Variants in KHDRBS3 observed in about 807,000 individuals in gnomAD.
The protein encoded by KHDRBS3 is KH RNA binding domain containing, signal transduction associated 3.
In KHDRBS3, 23 loss-of-function variants were observed where a neutral mutation model predicts 45.6. The ratio of observed to expected loss-of-function variants is 0.50; its 90% CI spans 0.36 to 0.72. KHDRBS3 has a LOEUF of 0.72. KHDRBS3 is among the 30% of genes least tolerant of loss of function. The pLI, the probability that KHDRBS3 is intolerant of heterozygous loss-of-function variation, is 0.00. For synonymous variants in KHDRBS3, 162 were observed against 156.5 expected, an observed-to-expected ratio of 1.04 and a Z score of -0.26; for missense variants, 352 against 424.8, an observed-to-expected ratio of 0.83 and a Z score of 1.51.
intron 1 of KHDRBS3, among the ~76,000 whole-genome samples, chr8:135,513,248 C>T (rs1283239947): frequency 6.6e-6 from 1 of 151,796 alleles, no homozygotes; most frequent in Non-Finnish European, 1.5e-5. Flanking sequence ...TTCTAGGTTG[C>T]TCAAGAGATA....
At chr8:135,636,110 C>T (rs1039139525) in intron 7 of KHDRBS3, among the ~76,000 whole-genome samples, 1 of 152,092 alleles carries the variant, frequency 6.6e-6, no homozygotes, top group Non-Finnish European at 1.5e-5. Flanking sequence ...CTGAGTAAGC[C>T]TAGTTCATTG....
intron 1 of KHDRBS3, among the ~76,000 whole-genome samples, chr8:135,487,511 A>C (rs1174261109): frequency 6.6e-6 from 1 of 152,212 alleles, no homozygotes; most frequent in Non-Finnish European, 1.5e-5. Flanking sequence ...AAAATACATT[A>C]AGAGAATAAG....
intron 1 of KHDRBS3, among the ~76,000 whole-genome samples, chr8:135,473,887 T>C (rs1347865210): frequency 1.3e-5 from 2 of 152,172 alleles, no homozygotes; most frequent in African/African-American, 4.8e-5. Flanking sequence ...TGAGGCCGGG[T>C]CTGATCTTCC....
intron 6 of KHDRBS3, among the ~76,000 whole-genome samples, chr8:135,585,967 G>A (rs988879114): frequency 5.3e-5 from 8 of 152,144 alleles, no homozygotes; most frequent in Non-Finnish European, 1.2e-4. Flanking sequence ...ACTTTCCTAA[G>A]TTACTGTTGT....
chr8:135,609,050 C>T (rs1199172851), intron 7 of KHDRBS3, among the ~76,000 whole-genome samples: 1 of 152,172 alleles, frequency 6.6e-6, no homozygotes, highest in Non-Finnish European at 1.5e-5. Flanking sequence ...CATTACCGCG[C>T]ACCACTGCAG....
At chr8:135,516,568 C>T (rs1447486331) in intron 1 of KHDRBS3, among the ~76,000 whole-genome samples, 1 of 67,452 alleles carries the variant, frequency 1.5e-5, no homozygotes, top group East Asian at 8.5e-4. Context: ...TTGTTTCTTA[C>T]ATTGTGTGTG....
intron 2 of KHDRBS3, among the ~76,000 whole-genome samples, chr8:135,530,309 G>A (rs918217000): frequency 1.1e-4 from 16 of 152,110 alleles, no homozygotes; most frequent in African/African-American, 2.4e-4. Flanking sequence ...TGAAAATTGC[G>A]TGACTATACT....
chr8:135,541,410 T>G (rs1314369854), intron 2 of KHDRBS3: 1 of 152,226 alleles, frequency 6.6e-6, no homozygotes, highest in African/African-American at 2.4e-5. Context: ...AATATTTTAC[T>G]GAAAATGGCA....
intron 1 of KHDRBS3, among the ~76,000 whole-genome samples, chr8:135,506,781 ACT>A (rs1356533412): frequency 6.6e-6 from 1 of 152,162 alleles, no homozygotes; most frequent in Non-Finnish European, 1.5e-5. Flanking sequence ...AGTAATTTGT[ACT>A]GGACCTCTTT....
At chr8:135,612,607 C>A (rs1455341275) in intron 7 of KHDRBS3, among the ~76,000 whole-genome samples, 5 of 151,842 alleles carry the variant, frequency 3.3e-5, no homozygotes, top group African/African-American at 7.3e-5. Flanking sequence ...GTAAATAGTT[C>A]TCTCAATTCA....
chr8:135,574,473 A>G (rs191987879), intron 5 of KHDRBS3, among the ~76,000 whole-genome samples: 127 of 152,336 alleles, frequency 8.3e-4, no homozygotes, highest in African/African-American at 2.8e-3. Flanking sequence ...ATAACCAACA[A>G]TGTCAATGAT....
intron 2 of KHDRBS3, among the ~76,000 whole-genome samples, chr8:135,538,374 G>T (rs1825877483): frequency 6.6e-6 from 1 of 152,126 alleles, no homozygotes; most frequent in African/African-American, 2.4e-5. Context: ...AAAATAATGG[G>T]AATTTTGAGG....
intron 5 of KHDRBS3, among the ~76,000 whole-genome samples, chr8:135,577,782 T>C (rs1254251890): frequency 6.6e-6 from 1 of 152,204 alleles, no homozygotes; most frequent in Non-Finnish European, 1.5e-5. Context: ...CTAGATTGTA[T>C]AATAAGGCTA....
intron 1 of KHDRBS3, among the ~76,000 whole-genome samples, chr8:135,493,329 A>G (rs1040039510): frequency 2.6e-5 from 4 of 151,996 alleles, no homozygotes; most frequent in Non-Finnish European, 5.9e-5. Flanking sequence ...GGACCCCACT[A>G]CAGTGTAGCA....
At chr8:135,529,079 T>C (rs959678173) in intron 2 of KHDRBS3, among the ~76,000 whole-genome samples, 1 of 152,228 alleles carries the variant, frequency 6.6e-6, no homozygotes, top group Non-Finnish European at 1.5e-5. Context: ...ATTCATTAAA[T>C]CTTGGGCCTA....
rs559012521 is a variant in KHDRBS3 at position 135,501,559 on chromosome 8, GAAGT to G, written c.89-19674_89-19671del. On this transcript the variant is annotated intron_variant, in intron 1 of 8. Coordinates refer to ENST00000355849, the MANE Select transcript of KHDRBS3 (RefSeq NM_006558.3). ...GAATTAATTCAACAGATTTGAGCTG[GAAGT>G]AAGATTAGAGGAAAAGAAACATAAA... 1.0e-3 allele frequency among the ~76,000 whole-genome samples: 157 copies of G among 152,252 alleles called. 2 individuals carry two copies. Among genetic ancestry groups the G allele is most frequent in the Non-Finnish European group, 1.5e-4 (10 of 68,004 alleles).
chr8:135,483,614 G>A (rs1231739880), intron 1 of KHDRBS3, among the ~76,000 whole-genome samples: 2 of 152,180 alleles, frequency 1.3e-5, no homozygotes, highest in African/African-American at 2.4e-5. Context: ...GGATATTCAT[G>A]TCATGAGGGT....
chr8:135,464,202 G>A (rs1821580310), intron 1 of KHDRBS3, among the ~76,000 whole-genome samples: 1 of 152,278 alleles, frequency 6.6e-6, no homozygotes, highest in Middle Eastern at 3.4e-3. Context: ...TATAGCAGAA[G>A]CCTCTTAGGA....
At chr8:135,577,721 T>C (rs1828011796) in intron 5 of KHDRBS3, among the ~76,000 whole-genome samples, 1 of 152,208 alleles carries the variant, frequency 6.6e-6, no homozygotes, top group Non-Finnish European at 1.5e-5. Context: ...AAAGTTTTTA[T>C]GTAGGCATAC....
Sources: gnomAD v4.1 joint callset for allele counts (sites outside exome capture counted in the v4.1 genomes callset) on GRCh38, gnomAD v4.1.1 for gene constraint, MANE v1.5 for transcripts, NCBI Gene and HGNC (gene_info 2026-07-23, HGNC 2026-07-21) for gene names.